Variants in MST1R observed in about 807,000 individuals in gnomAD.
MST1R encodes macrophage-stimulating protein receptor.
MST1R carries 99 observed loss-of-function variants against 117.8 expected under a neutral mutation model. The observed-to-expected ratio is 0.84, with a 90% confidence interval of 0.71 to 0.99. The LOEUF is 0.99. Ranked by LOEUF, MST1R falls within the 50% of genes least tolerant of loss-of-function variation. The pLI is 0.00. For synonymous variants in MST1R, 734 were observed against 765.3 expected, an observed-to-expected ratio of 0.96 and a Z score of 0.68; for missense variants, 1,683 against 1,840.2, an observed-to-expected ratio of 0.91 and a Z score of 1.56.
chr3:49,898,265 C>T, intron 4 of MST1R, 54 bp from the exon 5 acceptor site: 1 of 1,600,542 alleles, frequency 6.2e-7, no homozygotes, highest in Non-Finnish European at 8.5e-7. Flanking sequence ...TCTCTCAGCC[C>T]CACCTGCTTC....
rs752304437 is a variant in MST1R at position 49,889,873 on chromosome 3, C to T, written c.3947+51G>A. The T allele has an allele frequency of 2.5e-6, 4 of 1,609,488 alleles. No homozygotes were observed. The African/African-American group carries it at 4.0e-5, about 16-fold the overall frequency. On this transcript the variant is annotated intron_variant, in intron 19 of 19. Transcript: ENST00000296474. ...GCAGGAGCTCTGTCTCCTGTCTCTT[C>T]CATGTCTCTGGGGCCCAGTTCCCTC...
At chr3:49,889,767 G>C (rs546152728) in intron 19 of MST1R, among the ~76,000 whole-genome samples, 157 bp downstream of exon 19, 1 of 152,196 alleles carries the variant, frequency 6.6e-6, no homozygotes, top group African/African-American at 2.4e-5. Flanking sequence ...GCATGAGGGT[G>C]GGACCAGTTC....
Position 49,902,503 on chromosome 3 carries a change from G to A in MST1R, c.1107C>T (p.Phe369=), listed in dbSNP as rs889346495. ...TTAGTGTGTCCAGCAGGTCAATGGG[G>A]AAGGCACAGACGACAGAGTTGGGGC... is the stretch of plus-strand genomic sequence containing the variant. The part of the protein sequence containing the change: ...GVGPNSVVCA[F]PIDLLDTLID... Residue 369 remains phenylalanine (F), a synonymous_variant, in exon 1 of 20, where the codon TTC becomes TTT. Coordinates refer to ENST00000296474, the MANE Select transcript of MST1R (RefSeq NM_002447.4). 1 of 1,614,186 alleles carries A rather than the reference G, an allele frequency of 6.2e-7. No homozygotes were observed. Among genetic ancestry groups the A allele is most frequent in the Non-Finnish European group, 8.5e-7 (1 of 1,180,042 alleles).
At chr3:49,893,037 G>A (rs1340890438) in intron 14 of MST1R, among the ~76,000 whole-genome samples, 8 of 152,052 alleles carry the variant, frequency 5.3e-5, no homozygotes, top group African/African-American at 1.5e-4. Context: ...CCAGCACTTC[G>A]GGAGGCCGAG....
rs771292743 is a variant in MST1R at position 49,891,388 on chromosome 3, T to C, written c.3534+11A>G. The C allele has an allele frequency of 4.3e-6, 7 of 1,613,804 alleles. No individual in the cohort carries two copies. In the Admixed American group the frequency reaches 5.0e-5, roughly 12 times the overall value. On this transcript the variant is annotated intron_variant, in intron 16 of 19. Coordinates refer to ENST00000296474, the MANE Select transcript of MST1R (RefSeq NM_002447.4). ...GCCCAGCCCCCAACCCAGAGCCAGATGAACACTGACCCGCTGAGGTGAGCG... is the reference window on the plus strand; with the variant it reads ...GCCCAGCCCCCAACCCAGAGCCAGACGAACACTGACCCGCTGAGGTGAGCG...
chr3:49,896,426 T>A lies in MST1R; in HGVS notation c.2440-22A>T. The A allele has an allele frequency of 2.5e-6, 4 of 1,607,422 alleles. No individual in the cohort carries two copies. In the South Asian group the frequency reaches 3.3e-5, roughly 13 times the overall value. On this transcript the variant is annotated intron_variant, in intron 9 of 19. Coordinates refer to ENST00000296474, the MANE Select transcript of MST1R (RefSeq NM_002447.4). The stretch of plus-strand genomic sequence containing the variant: ...CACACTGCTGGGACCAATATGAGAG[T>A]GATTAGCCAGGAACCCCACCTGTGA...
chr3:49,892,561 C>T (rs1203991870), intron 14 of MST1R, among the ~76,000 whole-genome samples: 5 of 151,782 alleles, frequency 3.3e-5, no homozygotes, highest in African/African-American at 4.8e-5. Context: ...AAGCGCAGTG[C>T]GCCTGTAATC....
chr3:49,895,873 A>C lies in MST1R; in HGVS notation c.2804T>G (p.Val935Gly), dbSNP rs1235171903. The C allele has an allele frequency of 1.2e-6, 2 of 1,601,774 alleles. No individual in the cohort carries two copies. The highest frequency in any genetic ancestry group is 1.7e-5 in the Admixed American group (1 of 59,056). Residue 935 changes from valine to glycine, a missense_variant, in exon 12 of 20, where the codon GTA becomes GGA. By Grantham distance (109) the Val-to-Gly change is moderately radical. Coordinates refer to ENST00000296474, the MANE Select transcript of MST1R (RefSeq NM_002447.4). ...ACCCAGGATATGACATTCACCATCTACGCAGACCTGGGGGCAGGTGGCAAC... is the reference window on the plus strand; with the variant it reads ...ACCCAGGATATGACATTCACCATCTCCGCAGACCTGGGGGCAGGTGGCAAC... ...GQDGAPLQVC[V>G]DGECHILGRV...
chr3:49,896,976 G>A lies in MST1R; in HGVS notation c.2184-86C>T, dbSNP rs913122627. On this transcript the variant is annotated intron_variant, in intron 7 of 19. Coordinates refer to ENST00000296474, the MANE Select transcript of MST1R (RefSeq NM_002447.4). ...TCCAGGGGCCTGTTGACCTCTCCCAGTTCGTCTGTTATCTCTCCCACCTGC... is the reference window on the plus strand; with the variant it reads ...TCCAGGGGCCTGTTGACCTCTCCCAATTCGTCTGTTATCTCTCCCACCTGC... The A allele has an allele frequency of 1.7e-5, 24 of 1,408,166 alleles. No individual in the cohort carries two copies. In the African/African-American group the frequency reaches 3.3e-4, roughly 20 times the overall value. The allele number at this position is 1,408,166 out of a possible 1,614,324, so 87.2% of individuals were successfully genotyped here. A position where few individuals can be genotyped will look rare whatever the true frequency, so the allele number is the denominator to read the frequency against.
rs1212371585 is a variant in MST1R at position 49,896,113 on chromosome 3, G to A, written c.2650-6C>T. The A allele has an allele frequency of 6.2e-7, 1 of 1,613,982 alleles. No individual in the cohort carries two copies. Among genetic ancestry groups the A allele is most frequent in the South Asian group, 1.1e-5 (1 of 91,082 alleles). Reference sequence around the variant, plus strand: ...ACAGCGCCCAGCCCAATATACTGCAGAGAGGGTCATGAGGACCAGCCAGTA... The same window carrying A: ...ACAGCGCCCAGCCCAATATACTGCAAAGAGGGTCATGAGGACCAGCCAGTA... On this transcript the variant is annotated splice_region_variant and splice_polypyrimidine_tract_variant and intron_variant, in intron 10 of 19. Coordinates refer to ENST00000296474, the MANE Select transcript of MST1R (RefSeq NM_002447.4).
At position 49,890,598 on chromosome 3, in the gene MST1R, T is replaced by A; in HGVS notation, c.3697A>T (p.Ile1233Phe). 1 of 1,614,128 alleles carries A rather than the reference T, an allele frequency of 6.2e-7. No homozygotes were observed. The highest frequency in any genetic ancestry group is 8.5e-7 in the Non-Finnish European group (1 of 1,179,968). Residue 1233 changes from isoleucine to phenylalanine, a missense_variant, in exon 18 of 20, where the codon ATC becomes TTC. By Grantham distance (21) the Ile-to-Phe change is conservative. Transcript: ENST00000296474. ...ACACTATAGTACTCCCTGTCCAGGA[T>A]GTCGCGGGCCAAACCAAAGTCAGCC... The part of the protein sequence containing the change: ...KVADFGLARD[I>F]LDREYYSVQQ...
chr3:49,891,005 C>T (rs770980134), intron 17 of MST1R, among the ~76,000 whole-genome samples, 192 bp downstream of exon 17: 4 of 152,158 alleles, frequency 2.6e-5, no homozygotes, highest in African/African-American at 7.2e-5. Context: ...GGATTACAGA[C>T]GTGAGCCACC....
Position 49,890,071 on chromosome 3 carries a change from G to A in MST1R, c.3811-11C>T, listed in dbSNP as rs1309283214. 1.3e-6 allele frequency: 2 copies of A among 1,581,046 alleles called. No homozygotes were observed. The highest frequency in any genetic ancestry group is 8.6e-7 in the Non-Finnish European group (1 of 1,163,358). ...CACACCAAATGACCACTGTGGAAAG[G>A]GGGAGGTGAGGGGACTCAACTCACC... On this transcript the variant is annotated splice_polypyrimidine_tract_variant and intron_variant, in intron 18 of 19. Transcript: ENST00000296474.
chr3:49,899,370 G>C (rs1186936857), intron 1 of MST1R, 107 bp from the exon 2 acceptor site: 1 of 1,243,170 alleles, frequency 8.0e-7, no homozygotes, highest in Non-Finnish European at 1.1e-6. Context: ...CCCCTCACCT[G>C]GCCTGACTGG....
chr3:49,896,973 C>T, intron 7 of MST1R, 83 bp from the exon 8 acceptor site: 3 of 1,417,398 alleles, frequency 2.1e-6, no homozygotes, highest in Non-Finnish European at 2.8e-6. Flanking sequence ...TTGACCTCTC[C>T]CAGTTCGTCT....
In MST1R at chr3:49,889,882, T is replaced by C. The variant is rs148194561; in HGVS notation, c.3947+42A>G. 124 of 1,612,406 alleles carry C rather than the reference T, an allele frequency of 7.7e-5. No individual in the cohort carries two copies. In the East Asian group the frequency reaches 2.3e-3, roughly 30 times the overall value. ...CTGTCTCCTGTCTCTTCCATGTCTCTGGGGCCCAGTTCCCTCCCCACTACC... is the reference window on the plus strand; with the variant it reads ...CTGTCTCCTGTCTCTTCCATGTCTCCGGGGCCCAGTTCCCTCCCCACTACC... On this transcript the variant is annotated intron_variant, in intron 19 of 19. Transcript: ENST00000296474.
chr3:49,898,533 T>C lies in MST1R; in HGVS notation c.1704A>G (p.Pro568=). The C allele has an allele frequency of 1.2e-6, 2 of 1,613,630 alleles. No individual in the cohort carries two copies. The highest frequency in any genetic ancestry group is 1.7e-6 in the Non-Finnish European group (2 of 1,179,984). ...GAAGCCATACCTCAGTAAGCTTAGG[T>C]GGGCAGTGGTCCTGTTGCCAGGAGC... The part of the protein sequence containing the change: ...CPGSWQQDHC[P]PKLTEFHPHS... Residue 568 remains proline, a synonymous_variant, in exon 4 of 20, where the codon CCA becomes CCG. Coordinates refer to ENST00000296474, the MANE Select transcript of MST1R (RefSeq NM_002447.4).
Position 49,887,218 on chromosome 3 carries a change from G to C in MST1R, c.*89C>G. On this transcript the variant is annotated 3_prime_UTR_variant, in exon 20 of 20. Coordinates refer to ENST00000296474, the MANE Select transcript of MST1R (RefSeq NM_002447.4). ...GAAAGTTAAAGGGCAGGAACAAGGT[G>C]GAGGGCCACTGCCCTCTGGCCTGGC... 6.5e-7 allele frequency: 1 copy of C among 1,536,688 alleles called. No homozygotes were observed. The highest frequency in any genetic ancestry group is 8.8e-7 in the Non-Finnish European group (1 of 1,130,462).
intron 19 of MST1R, among the ~76,000 whole-genome samples, chr3:49,887,936 G>C (rs2082210928): frequency 6.6e-6 from 1 of 152,228 alleles, no homozygotes. Context: ...AGCTCACGAG[G>C]TACAATGGTC....
Sources: gnomAD v4.1 joint callset for allele counts (sites outside exome capture counted in the v4.1 genomes callset) on GRCh38, gnomAD v4.1.1 for gene constraint, MANE v1.5 for transcripts, NCBI Gene and HGNC (gene_info 2026-07-23, HGNC 2026-07-21) for gene names.